The following KIDINS220 variants were observed in gnomAD, a reference collection of about 807,000 sequenced individuals.
The protein encoded by KIDINS220 is kinase D interacting substrate 220, also known as kinase D-interacting substrate of 220 kDa.
KIDINS220 carries 63 observed loss-of-function variants against 157.6 expected under a neutral mutation model. That is an observed-to-expected ratio of 0.40 (90% CI 0.33 to 0.49). KIDINS220 has a LOEUF of 0.49. KIDINS220 is among the 20% of genes least tolerant of loss of function. The pLI is 0.66. For missense variants in KIDINS220, 1,772 were observed against 2,171.2 expected, an observed-to-expected ratio of 0.82 and a Z score of 3.65; for synonymous variants, 732 against 783.6, an observed-to-expected ratio of 0.93 and a Z score of 1.10.
At chr2:8,751,436 T>G in intron 23 of KIDINS220, 30 bp downstream of exon 23, 1 of 1,542,566 alleles carries the variant, frequency 6.5e-7, no homozygotes, top group East Asian at 2.2e-5. Flanking sequence ...GAACTTTAGA[T>G]GAAAAATTAA....
intron 27 of KIDINS220, among the ~76,000 whole-genome samples, chr2:8,735,456 C>T (rs1664735647): frequency 6.6e-6 from 1 of 152,094 alleles, no homozygotes; most frequent in Admixed American, 6.5e-5. Context: ...CGCTTGCACC[C>T]AGGAGGCGGG....
At chr2:8,782,621 A>C (rs1289762002) in intron 17 of KIDINS220, among the ~76,000 whole-genome samples, 1 of 152,196 alleles carries the variant, frequency 6.6e-6, no homozygotes, top group Admixed American at 6.5e-5. Flanking sequence ...CCAACTCTAC[A>C]TAGGATCTTT....
At chr2:8,758,056 T>C (rs1236749595) in intron 22 of KIDINS220, among the ~76,000 whole-genome samples, 1 of 152,120 alleles carries the variant, frequency 6.6e-6, no homozygotes. Context: ...AGAGACGAGG[T>C]TTCACCATGC....
intron 6 of KIDINS220, among the ~76,000 whole-genome samples, chr2:8,811,965 AG>A (rs1421965803): frequency 6.6e-6 from 1 of 152,068 alleles, no homozygotes; most frequent in Non-Finnish European, 1.5e-5. Context: ...AAGGGGAAAA[AG>A]GAAGGCAAGG....
At chr2:8,829,105 C>G (rs1370492440) in intron 1 of KIDINS220, among the ~76,000 whole-genome samples, 6 of 152,192 alleles carry the variant, frequency 3.9e-5, no homozygotes, top group Non-Finnish European at 7.3e-5. Context: ...ACTTATATAG[C>G]ATTCTGGAAA....
intron 4 of KIDINS220, among the ~76,000 whole-genome samples, chr2:8,815,378 G>A (rs1373211961): frequency 6.8e-6 from 1 of 146,178 alleles, no homozygotes; most frequent in African/African-American, 2.6e-5. Context: ...TCCAGCCTGG[G>A]TGACAGAGAC....
At chr2:8,778,247 G>A (rs1671235683) in intron 20 of KIDINS220, among the ~76,000 whole-genome samples, 1 of 152,184 alleles carries the variant, frequency 6.6e-6, no homozygotes, top group African/African-American at 2.4e-5. Flanking sequence ...GGGAAGGCTG[G>A]CCAACAGGAA....
intron 9 of KIDINS220, among the ~76,000 whole-genome samples, chr2:8,798,502 T>G (rs1674268014): frequency 6.6e-6 from 1 of 152,194 alleles, no homozygotes; most frequent in South Asian, 2.1e-4. Flanking sequence ...TTACTTAACC[T>G]AAAAAGTAGC....
At chr2:8,774,719 A>C (rs1670731929) in intron 21 of KIDINS220, among the ~76,000 whole-genome samples, 1 of 152,166 alleles carries the variant, frequency 6.6e-6, no homozygotes, top group African/African-American at 2.4e-5. Flanking sequence ...GAATGGTGGG[A>C]GATGAGGTCA....
At chr2:8,799,257 C>A (rs1262049272) in intron 9 of KIDINS220, among the ~76,000 whole-genome samples, 2 of 143,658 alleles carry the variant, frequency 1.4e-5, no homozygotes, top group East Asian at 2.1e-4. Flanking sequence ...CCTGAAACAC[C>A]CAGCTTTCCT....
chr2:8,735,148 C>T (rs1664685719), intron 27 of KIDINS220, among the ~76,000 whole-genome samples: 1 of 152,178 alleles, frequency 6.6e-6, no homozygotes, highest in African/African-American at 2.4e-5. Context: ...TCACTAACAA[C>T]GTTCTAAATG....
At position 8,750,168 on chromosome 2, in the gene KIDINS220, G is replaced by C. The variant is rs767546135; in HGVS notation, c.3358C>G (p.Pro1120Ala). ...PFAGGVVSPQPHSSYYSGMTG... is the reference protein window; with the variant it reads ...PFAGGVVSPQAHSSYYSGMTG... ...ATGCCGCTGTAATAGCTGCTGTGAGGCTGTGGTGACACCACTCCACCTGCG... is the reference window on the plus strand; with the variant it reads ...ATGCCGCTGTAATAGCTGCTGTGAGCCTGTGGTGACACCACTCCACCTGCG... Residue 1120 changes from proline (P) to alanine (A), a missense_variant, in exon 24 of 30, where the codon CCT becomes GCT. By Grantham distance (27) the Pro-to-Ala change is conservative (BLOSUM62 -1). Coordinates refer to ENST00000256707, the MANE Select transcript of KIDINS220 (RefSeq NM_020738.4). 6.2e-7 allele frequency: 1 copy of C among 1,614,186 alleles called. No individual in the cohort carries two copies. The highest frequency in any genetic ancestry group is 8.5e-7 in the Non-Finnish European group (1 of 1,180,028).
intron 26 of KIDINS220, among the ~76,000 whole-genome samples, chr2:8,740,415 T>C (rs1163967642): frequency 6.6e-6 from 1 of 152,144 alleles, no homozygotes; most frequent in Non-Finnish European, 1.5e-5. Flanking sequence ...CTTACAATTA[T>C]ACTCCTAAAA....
At chr2:8,800,791 G>A (rs779693817) in intron 8 of KIDINS220, among the ~76,000 whole-genome samples, 11 of 152,114 alleles carry the variant, frequency 7.2e-5, no homozygotes, top group Admixed American at 1.3e-4. Flanking sequence ...GAAGGTAACC[G>A]CCTATTACAA....
Position 8,776,763 on chromosome 2 carries a change from T to C in KIDINS220, c.2833A>G (p.Ile945Val). 3 of 1,613,668 alleles carry C rather than the reference T, an allele frequency of 1.9e-6. No homozygotes were observed. The highest frequency in any genetic ancestry group is 2.5e-6 in the Non-Finnish European group (3 of 1,179,828). ...CAAAAGTCACCTGTCACAGAAACAA[T>C]ATTAAGTAATCTTCTCATGGTCTGG... is the stretch of plus-strand genomic sequence containing the variant. ...SPQTMRRLLN[I>V]VSVTGRLLRA... The change falls in exon 21 of 30, where the codon ATT becomes GTT. Residue 945 changes from isoleucine to valine, a missense_variant. By Grantham distance (29) the Ile-to-Val change is conservative. Coordinates refer to ENST00000256707, the MANE Select transcript of KIDINS220 (RefSeq NM_020738.4).
chr2:8,760,502 CCAAT>C (rs576177963), intron 22 of KIDINS220, among the ~76,000 whole-genome samples: 66 of 152,176 alleles, frequency 4.3e-4, no homozygotes, highest in Admixed American at 3.0e-3. Flanking sequence ...AACAATATTC[CCAAT>C]CAATCTTTCA....
At chr2:8,765,237 A>C (rs1669317038) in intron 22 of KIDINS220, among the ~76,000 whole-genome samples, 2 of 152,234 alleles carry the variant, frequency 1.3e-5, no homozygotes, top group Non-Finnish European at 1.5e-5. Context: ...TTTAGAGCCC[A>C]ATTTGATATG....
intron 17 of KIDINS220, among the ~76,000 whole-genome samples, chr2:8,782,072 C>T (rs1227011816): frequency 2.0e-5 from 3 of 151,952 alleles, no homozygotes; most frequent in East Asian, 1.9e-4. Flanking sequence ...TGGGATCGCA[C>T]CACTGCACTA....
In KIDINS220 at chr2:8,730,972, A is replaced by G; in HGVS notation, c.5064T>C (p.Asn1688=). The change falls in exon 30 of 30, where the codon AAT becomes AAC. Residue 1688 remains asparagine (N), a synonymous_variant. Coordinates refer to ENST00000256707, the MANE Select transcript of KIDINS220 (RefSeq NM_020738.4). ...RTPSTVTLNN[N]SAPANRANQN... is the part of the protein sequence containing the mutation. ...GATTGGCTCTGTTGGCTGGAGCACT[A>G]TTGTTGTTCAGAGTCACGGTGCTGG... The G allele has an allele frequency of 1.9e-6, 3 of 1,614,132 alleles. No individual in the cohort carries two copies. The highest frequency in any genetic ancestry group is 2.2e-5 in the East Asian group (1 of 44,880).
Sources: allele counts gnomAD v4.1 joint callset (sites outside exome capture counted in the v4.1 genomes callset), GRCh38; gene constraint gnomAD v4.1.1; transcripts MANE v1.5; gene names NCBI Gene and HGNC (gene_info 2026-07-23, HGNC 2026-07-21).